SELENOF: variants seen among roughly 807,000 people sequenced by gnomAD.
SELENOF encodes the protein selenoprotein F, also known as 15 kDa selenoprotein.
In SELENOF, 16 loss-of-function variants were observed where a neutral mutation model predicts 20.5. The ratio of observed to expected loss-of-function variants is 0.78; its 90% CI spans 0.53 to 1.19. The LOEUF is 1.19. Ranked by LOEUF, SELENOF falls within the 50% of genes most tolerant of loss-of-function variation. The pLI, the probability that SELENOF is intolerant of heterozygous loss-of-function variation, is 0.00. For missense variants in SELENOF, 215 were observed against 194.2 expected (o/e 1.11, Z -0.64); for synonymous variants, 78 against 74.5 (o/e 1.05, Z -0.24).
intron 3 of SELENOF, among the ~76,000 whole-genome samples, chr1:86,870,306 GA>G (rs1658727517): frequency 6.6e-6 from 1 of 152,152 alleles, no homozygotes; most frequent in South Asian, 2.1e-4. Context: ...ATTTCAAAAT[GA>G]AACCAATTAT....
At chr1:86,888,973 GA>G (rs1659306691) in intron 2 of SELENOF, among the ~76,000 whole-genome samples, 1 of 152,152 alleles carries the variant, frequency 6.6e-6, no homozygotes, top group Admixed American at 6.5e-5. Flanking sequence ...ATAAATATCT[GA>G]AAACAATAAG....
At chr1:86,905,920 T>C (rs182983163) in intron 1 of SELENOF, among the ~76,000 whole-genome samples, 127 of 152,364 alleles carry the variant, frequency 8.3e-4, no homozygotes, top group African/African-American at 2.0e-3. Flanking sequence ...CATTTTGTTA[T>C]GTTAATTTGT....
chr1:86,863,715 C>T, intron 4 of SELENOF, 110 bp from the exon 5 acceptor site: 1 of 915,928 alleles, frequency 1.1e-6, no homozygotes, highest in Non-Finnish European at 1.6e-6. Context: ...TAAAAAAAGG[C>T]TTTTAGACAT....
Position 86,868,043 on chromosome 1 carries a change from A to G in SELENOF, c.366+10T>C. On this transcript the variant is annotated intron_variant, in intron 4 of 4. Coordinates refer to ENST00000331835, the MANE Select transcript of SELENOF (RefSeq NM_004261.5). ...CTGGAAAAAAGAGATCTCCACTACA[A>G]TCACCTTACCTTGATTTGCAGTCCT... The G allele has an allele frequency of 7.3e-7, 1 of 1,376,488 alleles. No homozygotes were observed. Among genetic ancestry groups the G allele is most frequent in the South Asian group, 1.5e-5 (1 of 65,974 alleles). The allele number at this position is 1,376,488 out of a possible 1,614,324, so 85.3% of individuals were successfully genotyped here.
chr1:86,888,622 T>A (rs1659290502), intron 2 of SELENOF, among the ~76,000 whole-genome samples: 2 of 152,210 alleles, frequency 1.3e-5, no homozygotes, highest in African/African-American at 4.8e-5. Context: ...CCTCCAATAC[T>A]GAACAACCAC....
At chr1:86,887,792 C>T (rs935206024) in intron 2 of SELENOF, among the ~76,000 whole-genome samples, 4 of 152,152 alleles carry the variant, frequency 2.6e-5, no homozygotes, top group African/African-American at 9.6e-5. Flanking sequence ...CAGTCCCCAC[C>T]CCTATGTATA....
intron 2 of SELENOF, among the ~76,000 whole-genome samples, chr1:86,890,656 C>CTTT (rs559873950): frequency 7.1e-6 from 1 of 140,788 alleles, no homozygotes; most frequent in East Asian, 2.0e-4. Flanking sequence ...TCACACCCAG[C>CTTT]TTTTTTTTTT....
chr1:86,898,762 T>A (rs1389978679), intron 2 of SELENOF, among the ~76,000 whole-genome samples: 7 of 141,186 alleles, frequency 5.0e-5, no homozygotes. Flanking sequence ...TTTGTATTTT[T>A]TTTTTGTTTG....
At chr1:86,899,663 G>A (rs1659631790) in intron 2 of SELENOF, among the ~76,000 whole-genome samples, 1 of 151,496 alleles carries the variant, frequency 6.6e-6, no homozygotes. Context: ...CTCCCTCCCG[G>A]ATGGGGCGGC....
intron 2 of SELENOF, among the ~76,000 whole-genome samples, chr1:86,885,435 A>G (rs1259736765): frequency 6.6e-6 from 1 of 152,214 alleles, no homozygotes; most frequent in African/African-American, 2.4e-5. Context: ...AACACTGAAC[A>G]AAGGTGACAC....
At chr1:86,880,633 A>T in intron 3 of SELENOF, 29 bp downstream of exon 3, 1 of 1,318,152 alleles carries the variant, frequency 7.6e-7, no homozygotes, top group Non-Finnish European at 1.1e-6. Flanking sequence ...TAAATGACTG[A>T]ACAGTTTACT....
chr1:86,903,350 G>C lies in SELENOF; in HGVS notation c.183C>G (p.Phe61Leu). 1 of 1,612,292 alleles carries C rather than the reference G, an allele frequency of 6.2e-7. No individual in the cohort carries two copies. The change falls in exon 2 of 5, where the codon TTC becomes TTG. Residue 61 changes from phenylalanine (F) to leucine (L), a missense_variant. By Grantham distance (22) the Phe-to-Leu change is conservative. Coordinates refer to ENST00000331835, the MANE Select transcript of SELENOF (RefSeq NM_004261.5). Reference protein sequence around the residue: ...LCSSCDLLGQFNLLQLDPDCR... With the variant: ...LCSSCDLLGQLNLLQLDPDCR... ...AATCAGGATCCAGCTGAAGCAGGTT[G>C]AACTGTCCGAGAAGATCACAAGAGC... is the stretch of plus-strand genomic sequence containing the variant.
intron 1 of SELENOF, among the ~76,000 whole-genome samples, chr1:86,907,683 T>A (rs992110987): frequency 6.6e-6 from 1 of 152,196 alleles, no homozygotes; most frequent in Non-Finnish European, 1.5e-5. Flanking sequence ...CAAAGCAGAA[T>A]TGACAAATTA....
Position 86,888,246 on chromosome 1 carries a change from G to C in SELENOF, c.253-7521C>G, listed in dbSNP as rs573136928. Among the ~76,000 whole-genome samples the C allele has an allele frequency of 6.7e-5, 10 of 148,946 alleles. No homozygotes were observed. In the East Asian group the frequency reaches 1.4e-3, roughly 20 times the overall value. ...CTACATTCCTCCAGCCTGGGCAACA[G>C]AGTGAGACTCCATCTCAAAAAAAAA... On this transcript the variant is annotated intron_variant, in intron 2 of 4. Transcript: ENST00000331835.
At chr1:86,878,857 G>A (rs1418707584) in intron 3 of SELENOF, among the ~76,000 whole-genome samples, 4 of 152,032 alleles carry the variant, frequency 2.6e-5, no homozygotes, top group Non-Finnish European at 5.9e-5. Flanking sequence ...CTTTTCACGG[G>A]CTCAGAAAAT....
chr1:86,872,859 G>A (rs536961193), intron 3 of SELENOF, among the ~76,000 whole-genome samples: 1 of 152,044 alleles, frequency 6.6e-6, no homozygotes, highest in East Asian at 2.0e-4. Flanking sequence ...TGGCTAACAC[G>A]GTGAAACCCC....
In SELENOF at chr1:86,862,893, T is replaced by C. The variant is rs1402992423; in HGVS notation, c.*581A>G. The C allele has an allele frequency of 6.5e-6, 1 of 152,680 alleles. No individual in the cohort carries two copies. The highest frequency in any genetic ancestry group is 6.5e-5 in the Admixed American group (1 of 15,288). The allele number at this position is 152,680 out of a possible 1,614,324, so 9.5% of individuals were successfully genotyped here. A position where few individuals can be genotyped will look rare whatever the true frequency, so the allele number is the denominator to read the frequency against. The stretch of plus-strand genomic sequence containing the variant: ...ATTAACGCAAATCTTTGTGAATGTT[T>C]CACTCTTACTGTAGGATCTTGAATA... On this transcript the variant is annotated 3_prime_UTR_variant, in exon 5 of 5. Transcript: ENST00000331835.
chr1:86,866,074 G>C (rs1046662743), intron 4 of SELENOF, among the ~76,000 whole-genome samples: 1 of 151,800 alleles, frequency 6.6e-6, no homozygotes, highest in Non-Finnish European at 1.5e-5. Context: ...GTGTGTACCT[G>C]TGGTCTCAGA....
intron 2 of SELENOF, among the ~76,000 whole-genome samples, chr1:86,881,309 T>C (rs1343074758): frequency 1.3e-5 from 2 of 152,340 alleles, no homozygotes; most frequent in Non-Finnish European, 2.9e-5. Context: ...AGTATCTCTT[T>C]TCTAGCTATA....
Sources: allele counts gnomAD v4.1 joint callset (sites outside exome capture counted in the v4.1 genomes callset), GRCh38; gene constraint gnomAD v4.1.1; transcripts MANE v1.5; gene names NCBI Gene and HGNC (gene_info 2026-07-23, HGNC 2026-07-21).